CLSTN2: variants seen among roughly 807,000 people sequenced by gnomAD.
CLSTN2 encodes calsyntenin-2.
A neutral mutation model predicts 101.2 loss-of-function variants in CLSTN2; 48 were observed. The observed-to-expected ratio is 0.47, with a 90% confidence interval of 0.38 to 0.60. The LOEUF is 0.60. Among genes scored for constraint, CLSTN2 ranks in the 20% least tolerant of loss-of-function variants. CLSTN2 has a pLI of 0.00. For missense variants in CLSTN2, 1,160 were observed against 1,238.2 expected (o/e 0.94, Z 0.95); for synonymous variants, 481 against 463.6 (o/e 1.04, Z -0.48).
intron 1 of CLSTN2, among the ~76,000 whole-genome samples, chr3:139,962,809 G>C (rs1291701537): frequency 6.6e-6 from 1 of 152,072 alleles, no homozygotes; most frequent in Non-Finnish European, 1.5e-5. Context: ...TGGACATTTA[G>C]AGTGTCTTCA....
At chr3:140,491,842 A>T (rs1426599531) in intron 8 of CLSTN2, among the ~76,000 whole-genome samples, 4 of 152,214 alleles carry the variant, frequency 2.6e-5, no homozygotes. Flanking sequence ...AGTAAAAGTA[A>T]GCTAGTTTAA....
At chr3:140,015,934 C>A (rs1285639674) in intron 1 of CLSTN2, among the ~76,000 whole-genome samples, 1 of 152,228 alleles carries the variant, frequency 6.6e-6, no homozygotes, top group East Asian at 1.9e-4. Flanking sequence ...GGAACATTGG[C>A]CAGTATCTGC....
At chr3:140,547,692 AG>A (rs1935623668) in intron 10 of CLSTN2, among the ~76,000 whole-genome samples, 1 of 152,188 alleles carries the variant, frequency 6.6e-6, no homozygotes, top group Non-Finnish European at 1.5e-5. Context: ...CCCAACAGCC[AG>A]GGTCACTTTC....
intron 5 of CLSTN2, among the ~76,000 whole-genome samples, chr3:140,441,281 T>C (rs1177431042): frequency 6.6e-6 from 1 of 152,212 alleles, no homozygotes; most frequent in South Asian, 2.1e-4. Context: ...GAAAACATTC[T>C]CTCACAGAAG....
At chr3:140,302,005 A>G (rs1026349988) in intron 2 of CLSTN2, among the ~76,000 whole-genome samples, 1 of 152,182 alleles carries the variant, frequency 6.6e-6, no homozygotes, top group African/African-American at 2.4e-5. Context: ...GAAGGCAGAT[A>G]TAAAATATTC....
At chr3:140,504,508 C>T (rs1185905990) in intron 8 of CLSTN2, among the ~76,000 whole-genome samples, 1 of 152,072 alleles carries the variant, frequency 6.6e-6, no homozygotes, top group Admixed American at 6.6e-5. Context: ...AAGAGAAGAC[C>T]AAAACAGAGT....
intron 1 of CLSTN2, among the ~76,000 whole-genome samples, chr3:140,027,297 C>T (rs2007441186): frequency 6.6e-6 from 1 of 152,078 alleles, no homozygotes; most frequent in African/African-American, 2.4e-5. Flanking sequence ...AAGATGAAGT[C>T]ATACTGGATT....
At chr3:140,151,085 A>C (rs2009857421) in intron 1 of CLSTN2, among the ~76,000 whole-genome samples, 1 of 152,086 alleles carries the variant, frequency 6.6e-6, no homozygotes, top group African/African-American at 2.4e-5. Flanking sequence ...GTCTGAAAAC[A>C]CAGCAGGTAC....
chr3:140,103,134 GAC>G (rs2008996033), intron 1 of CLSTN2, among the ~76,000 whole-genome samples: 1 of 152,202 alleles, frequency 6.6e-6, no homozygotes, highest in Non-Finnish European at 1.5e-5. Flanking sequence ...AGATTTCTGA[GAC>G]TGACCATGTT....
intron 2 of CLSTN2, among the ~76,000 whole-genome samples, chr3:140,403,216 G>A (rs552276689): frequency 3.9e-5 from 6 of 152,244 alleles, no homozygotes; most frequent in Admixed American, 3.9e-4. Flanking sequence ...ATAGACTCAC[G>A]CCCACTGTTT....
intron 2 of CLSTN2, among the ~76,000 whole-genome samples, chr3:140,277,645 T>C (rs566318417): frequency 1.3e-5 from 2 of 152,312 alleles, no homozygotes; most frequent in African/African-American, 2.4e-5. Flanking sequence ...TAAATAATTA[T>C]TTGTAGATTT....
At chr3:140,284,242 A>G (rs1264617516) in intron 2 of CLSTN2, among the ~76,000 whole-genome samples, 4 of 152,196 alleles carry the variant, frequency 2.6e-5, no homozygotes, top group African/African-American at 9.7e-5. Context: ...AAATTCTATT[A>G]TTTTTTTTAA....
intron 1 of CLSTN2, among the ~76,000 whole-genome samples, chr3:140,171,780 A>G (rs1559797324): frequency 1.3e-5 from 1 of 74,242 alleles, no homozygotes; most frequent in Admixed American, 1.7e-4. Flanking sequence ...AATATGTATT[A>G]TATAATATAT....
intron 2 of CLSTN2, among the ~76,000 whole-genome samples, chr3:140,294,657 C>G (rs1466003884): frequency 6.6e-6 from 1 of 152,056 alleles, no homozygotes; most frequent in Admixed American, 6.6e-5. Flanking sequence ...TGTATCAAAC[C>G]CCTGCCATCA....
At chr3:140,116,286 A>G (rs1185067693) in intron 1 of CLSTN2, among the ~76,000 whole-genome samples, 1 of 152,188 alleles carries the variant, frequency 6.6e-6, no homozygotes, top group African/African-American at 2.4e-5. Context: ...CCACAAATGG[A>G]AAAAAATATC....
At chr3:140,477,486 A>AG (rs1320663051) in intron 8 of CLSTN2, among the ~76,000 whole-genome samples, 4 of 152,218 alleles carry the variant, frequency 2.6e-5, no homozygotes, top group African/African-American at 7.2e-5. Flanking sequence ...ATTACATGTG[A>AG]GGGAAAAAAG....
chr3:140,165,343 G>A (rs192884879), intron 1 of CLSTN2, among the ~76,000 whole-genome samples: 4 of 152,280 alleles, frequency 2.6e-5, no homozygotes, highest in East Asian at 1.9e-4. Flanking sequence ...CAAGGAAAAC[G>A]TGTGCTCACT....
Position 140,089,971 on chromosome 3 carries a change from C to CTTT in CLSTN2, c.110-85953_110-85951dup, listed in dbSNP as rs58418539. On this transcript the variant is annotated intron_variant, in intron 1 of 16. Coordinates refer to ENST00000458420, the MANE Select transcript of CLSTN2 (RefSeq NM_022131.3). ...CCTGGCTGATTTCAGCTAGGATTGGCTTTTTTTTTTTTTTTTTTTTTTTTT... is the reference window on the plus strand; with the variant it reads ...CCTGGCTGATTTCAGCTAGGATTGGCTTTTTTTTTTTTTTTTTTTTTTTTTTTT... 8.3e-4 allele frequency among the ~76,000 whole-genome samples: 41 copies of CTTT among 49,670 alleles called. 5 individuals carry two copies. In the South Asian group the frequency reaches 9.2e-3, roughly 11 times the overall value. 32.6% of individuals were successfully genotyped at this position (49,670 alleles called of 152,430 possible). A position where few individuals can be genotyped will look rare whatever the true frequency, so the allele number is the denominator to read the frequency against.
At chr3:140,563,748 CCTAA>C (rs1935970581) in intron 15 of CLSTN2, among the ~76,000 whole-genome samples, 1 of 152,112 alleles carries the variant, frequency 6.6e-6, no homozygotes, top group South Asian at 2.1e-4. Context: ...TTAATTTACA[CCTAA>C]CTATTACTCA....
Sources: gnomAD v4.1 joint callset for allele counts (sites outside exome capture counted in the v4.1 genomes callset) on GRCh38, gnomAD v4.1.1 for gene constraint, MANE v1.5 for transcripts, NCBI Gene and HGNC (gene_info 2026-07-23, HGNC 2026-07-21) for gene names.